Variants in UNC80 observed in about 807,000 individuals in gnomAD.
UNC80 encodes protein unc-80 homolog.
UNC80 carries 164 observed loss-of-function variants against 384.6 expected under a neutral mutation model. That is an observed-to-expected ratio of 0.43 (90% CI 0.38 to 0.49). The LOEUF (loss-of-function observed/expected upper bound fraction) is 0.49, where lower values mean the gene tolerates loss of function less well. Ranked by LOEUF, UNC80 falls within the 20% of genes least tolerant of loss-of-function variation. The pLI is 0.00. For missense variants in UNC80, 3,330 were observed against 4,143.0 expected (o/e 0.80, Z 5.39); for synonymous variants, 1,486 against 1,527.8 (o/e 0.97, Z 0.64).
intron 47 of UNC80, among the ~76,000 whole-genome samples, chr2:209,947,186 ATTAAG>A (rs1260039778): frequency 1.3e-5 from 2 of 152,196 alleles, no homozygotes; most frequent in African/African-American, 4.8e-5. Flanking sequence ...CAAATCCTGC[ATTAAG>A]TTAACTCCAA....
In UNC80 at chr2:209,816,953, A is replaced by T; in HGVS notation, c.1380A>T (p.Pro460=). ...KEDRERKGSI[P]FHHTGKRRPR... ...ACCGAGAGAGGAAAGGCTCCATTCC[A>T]TTCCACCACACAGGCAAGAGGAGGC... is the stretch of plus-strand genomic sequence containing the variant. The change falls in exon 10 of 65, where the codon CCA becomes CCT. Residue 460 remains proline, a synonymous_variant. Coordinates refer to ENST00000673920, the MANE Select transcript of UNC80 (RefSeq NM_001371986.1). 6.4e-7 allele frequency: 1 copy of T among 1,551,680 alleles called. No homozygotes were observed. The highest frequency in any genetic ancestry group is 8.7e-7 in the Non-Finnish European group (1 of 1,146,988).
At chr2:209,884,791 G>A (rs1279200621) in intron 25 of UNC80, among the ~76,000 whole-genome samples, 4 of 152,112 alleles carry the variant, frequency 2.6e-5, no homozygotes, top group South Asian at 2.1e-4. Flanking sequence ...GCAAACTAAC[G>A]AAGGAACAGA....
chr2:209,931,364 A>AACAC (rs61386739), intron 38 of UNC80, among the ~76,000 whole-genome samples: 25,147 of 125,342 alleles, frequency 0.2, 3,044 homozygotes, highest in Non-Finnish European at 0.27. Flanking sequence ...TCTATGTTTA[A>AACAC]ACACACACAC....
At chr2:209,878,220 T>G (rs2084951417) in intron 24 of UNC80, 131 bp downstream of exon 24, 1 of 972,662 alleles carries the variant, frequency 1.0e-6, no homozygotes, top group African/African-American at 1.7e-5. Flanking sequence ...CTTCTCCCCT[T>G]TTCCCTGTGC....
intron 7 of UNC80, among the ~76,000 whole-genome samples, chr2:209,803,099 T>C (rs944773387): frequency 3.9e-5 from 6 of 152,216 alleles, no homozygotes; most frequent in Non-Finnish European, 7.3e-5. Context: ...AGGAGTGATG[T>C]CTCATTACCT....
intron 44 of UNC80, 29 bp downstream of exon 44, chr2:209,941,518 A>G (rs1435256837): frequency 6.6e-7 from 1 of 1,512,676 alleles, no homozygotes; most frequent in East Asian, 2.5e-5. Flanking sequence ...CCCAACCAGA[A>G]AATTAACATG....
chr2:209,842,964 G>C (rs1048660158), intron 21 of UNC80, among the ~76,000 whole-genome samples: 4 of 152,122 alleles, frequency 2.6e-5, no homozygotes, highest in African/African-American at 9.7e-5. Flanking sequence ...TATGATGTCT[G>C]TACCAAGATG....
intron 12 of UNC80, among the ~76,000 whole-genome samples, chr2:209,819,886 C>T (rs144030360): frequency 1.1e-4 from 16 of 152,088 alleles, no homozygotes; most frequent in Middle Eastern, 3.4e-3. Context: ...CAGTCATGAA[C>T]GAGCAAAAGG....
intron 47 of UNC80, 146 bp downstream of exon 47, chr2:209,946,089 G>A: frequency 1.5e-6 from 1 of 652,636 alleles, no homozygotes; most frequent in Non-Finnish European, 2.6e-6. Context: ...GGCCAGGTGT[G>A]GTGGCTCACA....
chr2:209,858,674 A>C (rs1226238558), intron 22 of UNC80, among the ~76,000 whole-genome samples: 1 of 150,058 alleles, frequency 6.7e-6, no homozygotes, highest in Non-Finnish European at 1.5e-5. Flanking sequence ...GGTCTCGGCC[A>C]CAGAATGAAA....
chr2:209,924,990 T>C (rs1346491676), intron 35 of UNC80, among the ~76,000 whole-genome samples: 1 of 152,004 alleles, frequency 6.6e-6, no homozygotes, highest in Non-Finnish European at 1.5e-5. Flanking sequence ...ACAGCTACCA[T>C]GGTTGCAAGG....
rs528661398 is a variant in UNC80 at position 209,796,725 on chromosome 2, C to G, written c.938+2866C>G. ...CTTCTTCATTTTTCTCTTGCTGCCA[C>G]CATGTAAGAAGTGCCTTTCACATCC... On this transcript the variant is annotated intron_variant, in intron 7 of 64. Coordinates refer to ENST00000673920, the MANE Select transcript of UNC80 (RefSeq NM_001371986.1). Among the ~76,000 whole-genome samples the G allele has an allele frequency of 8.5e-5, 13 of 152,302 alleles. No homozygotes were observed. The East Asian group carries it at 2.5e-3, about 29-fold the overall frequency.
Position 209,973,903 on chromosome 2 carries a change from C to T in UNC80, c.8587+633C>T, listed in dbSNP as rs112587648. Reference sequence around the variant, plus strand: ...ATTACTCTAGTGAGGCCAGTCCAGTCCTGCTCCCATAGGCTTCCCAATCCC... The same window carrying T: ...ATTACTCTAGTGAGGCCAGTCCAGTTCTGCTCCCATAGGCTTCCCAATCCC... On this transcript the variant is annotated intron_variant, in intron 56 of 64. Coordinates refer to ENST00000673920, the MANE Select transcript of UNC80 (RefSeq NM_001371986.1). Among the ~76,000 whole-genome samples, 408 of 152,294 alleles carry T rather than the reference C, an allele frequency of 2.7e-3. 3 individuals carry two copies. The highest frequency in any genetic ancestry group is 4.9e-3 in the Non-Finnish European group (336 of 68,024).
intron 29 of UNC80, 126 bp downstream of exon 29, chr2:209,905,091 A>G: frequency 1.1e-6 from 1 of 949,412 alleles, no homozygotes; most frequent in East Asian, 2.6e-5. Flanking sequence ...GCATCTAAAC[A>G]TAAGCAGAAG....
intron 46 of UNC80, among the ~76,000 whole-genome samples, chr2:209,945,437 A>G (rs1325185063): frequency 6.6e-6 from 1 of 152,156 alleles, no homozygotes; most frequent in Non-Finnish European, 1.5e-5. Context: ...TCAGTAGACC[A>G]CTGCTGTAGC....
At chr2:209,993,628 C>T (rs1473143517) in intron 63 of UNC80, among the ~76,000 whole-genome samples, 1 of 152,098 alleles carries the variant, frequency 6.6e-6, no homozygotes, top group Admixed American at 6.5e-5. Flanking sequence ...CCCCATGAAC[C>T]TATAAAAAAT....
intron 24 of UNC80, among the ~76,000 whole-genome samples, chr2:209,878,388 T>A (rs555216925): frequency 7.2e-5 from 11 of 152,200 alleles, no homozygotes; most frequent in Non-Finnish European, 1.5e-4. Flanking sequence ...TGAGAAAATA[T>A]CTCTGAGGCA....
intron 29 of UNC80, among the ~76,000 whole-genome samples, chr2:209,906,535 C>G (rs2088236716): frequency 6.6e-6 from 1 of 151,984 alleles, no homozygotes; most frequent in South Asian, 2.1e-4. Flanking sequence ...TTGAGATTAT[C>G]CACACTTTAT....
rs373150828 is a variant in UNC80, at chr2:209,893,749, A to T, written c.4277-414A>T. 1.3e-4 allele frequency among the ~76,000 whole-genome samples: 20 copies of T among 152,342 alleles called. No homozygotes were observed. In the East Asian group the frequency reaches 3.9e-3, roughly 29 times the overall value. On this transcript the variant is annotated intron_variant, in intron 26 of 64. Transcript: ENST00000673920. ...TTTGGTTCTTATTTCTGAATGAGGT[A>T]TTCCAAAATGAAGGGGTTTACGTGA...
Sources: gnomAD v4.1 joint callset for allele counts (sites outside exome capture counted in the v4.1 genomes callset) on GRCh38, gnomAD v4.1.1 for gene constraint, MANE v1.5 for transcripts, NCBI Gene and HGNC (gene_info 2026-07-23, HGNC 2026-07-21) for gene names.